Variants in SS18 observed in about 807,000 individuals in gnomAD.
SS18 encodes protein SSXT.
In SS18, 28 loss-of-function variants were observed where a neutral mutation model predicts 72.5. The observed-to-expected ratio is 0.39, with a 90% CI of 0.29 to 0.53. The LOEUF is 0.53. Among genes scored for constraint, SS18 ranks in the 20% least tolerant of loss-of-function variants. The pLI, the probability that SS18 is intolerant of heterozygous loss-of-function variation, is 0.76. For synonymous variants in SS18, 172 were observed against 164.2 expected (o/e 1.05, Z -0.37); for missense variants, 518 against 535.3 (o/e 0.97, Z 0.32).
chr18:26,090,356 G>C, intron 1 of SS18, 145 bp downstream of exon 1: 1 of 764,434 alleles, frequency 1.3e-6, no homozygotes, highest in Non-Finnish European at 2.2e-6. Context: ...GGCACAGCCA[G>C]CAGTCCGTGT....
At chr18:26,021,164 G>A (rs1385963077) in intron 10 of SS18, among the ~76,000 whole-genome samples, 1 of 152,108 alleles carries the variant, frequency 6.6e-6, no homozygotes, top group Non-Finnish European at 1.5e-5. Flanking sequence ...AAATTCCAAG[G>A]TGGCATTAAG....
At position 26,046,452 on chromosome 18, in the gene SS18, T is replaced by G. The variant is rs576297244; in HGVS notation, c.607+6172A>C. ...AAAGTTGTGAAATATTTCCAAGAAT[T>G]TCTTTAATGTGAAATATTTTGCCAG... On this transcript the variant is annotated intron_variant, in intron 5 of 10. Coordinates refer to ENST00000415083, the MANE Select transcript of SS18 (RefSeq NM_001007559.3). 2.0e-3 allele frequency among the ~76,000 whole-genome samples: 311 copies of G among 152,230 alleles called. 1 individual carries two copies. Among genetic ancestry groups the G allele is most frequent in the African/African-American group, 7.3e-3 (305 of 41,520 alleles).
intron 2 of SS18, chr18:26,082,481 T>C (rs60489153): frequency 0.043 from 42,787 of 984,710 alleles, 1,223 homozygotes; most frequent in East Asian, 0.15. Flanking sequence ...ACACTAATTT[T>C]TTTTGTTGTT....
intron 2 of SS18, among the ~76,000 whole-genome samples, chr18:26,078,600 T>A (rs1400754996): frequency 1.3e-5 from 2 of 152,144 alleles, no homozygotes; most frequent in Non-Finnish European, 2.9e-5. Context: ...AATGTGCTTA[T>A]CTCAGCTGGG....
In SS18 at chr18:26,037,825, G is replaced by GA. The variant is rs552327653; in HGVS notation, c.880+729dup. The stretch of plus-strand genomic sequence containing the variant: ...GTATTATAAAATTTTCAAGCATACA[G>GA]AAAAATTGATGAAACTGTACTGTGA... On this transcript the variant is annotated intron_variant, in intron 7 of 10. Coordinates refer to ENST00000415083, the MANE Select transcript of SS18 (RefSeq NM_001007559.3). Among the ~76,000 whole-genome samples the GA allele has an allele frequency of 4.3e-4, 66 of 152,110 alleles. 1 individual carries two copies. The South Asian group carries it at 0.013, about 29-fold the overall frequency.
chr18:26,054,646 T>C (rs1359422332), intron 4 of SS18, among the ~76,000 whole-genome samples: 3 of 151,886 alleles, frequency 2.0e-5, no homozygotes, highest in Non-Finnish European at 4.4e-5. Flanking sequence ...AGATACATAA[T>C]AGTATTTAAT....
intron 3 of SS18, 60 bp downstream of exon 3, chr18:26,078,016 G>A (rs1397494279): frequency 8.9e-6 from 11 of 1,239,304 alleles, no homozygotes; most frequent in African/African-American, 1.5e-5. Flanking sequence ...CAACAAAAAT[G>A]TGCCATACCA....
intron 10 of SS18, among the ~76,000 whole-genome samples, chr18:26,022,833 T>C (rs539659843): frequency 6.6e-6 from 1 of 152,224 alleles, no homozygotes; most frequent in South Asian, 2.1e-4. Context: ...CCAAAAGGAT[T>C]AGGGGAAACA....
intron 3 of SS18, among the ~76,000 whole-genome samples, chr18:26,064,278 G>C (rs993031459): frequency 6.6e-6 from 1 of 151,922 alleles, no homozygotes; most frequent in Non-Finnish European, 1.5e-5. Context: ...AAAAAGAAGG[G>C]CATCAGTTCC....
chr18:26,087,358 T>C (rs1310728090), intron 2 of SS18, 143 bp downstream of exon 2: 1 of 569,476 alleles, frequency 1.8e-6, no homozygotes, highest in Non-Finnish European at 3.1e-6. Flanking sequence ...TCTATGAATA[T>C]ACTAAAAAAC....
intron 7 of SS18, among the ~76,000 whole-genome samples, chr18:26,038,221 C>G (rs2053658938): frequency 6.6e-6 from 1 of 151,996 alleles, no homozygotes; most frequent in Non-Finnish European, 1.5e-5. Flanking sequence ...TGAATTATAT[C>G]TTAATGAAGC....
rs149043034 is a variant in SS18, at chr18:26,090,435, T to TC, written c.69+65dup. 2.8e-3 allele frequency: 4,190 copies of TC among 1,498,320 alleles called. 96 individuals are homozygous for TC. The African/African-American group carries it at 0.052, about 18-fold the overall frequency. The allele number at this position is 1,498,320 out of a possible 1,614,324, so 92.8% of individuals were successfully genotyped here. A position where few individuals can be genotyped will look rare whatever the true frequency, so the allele number is the denominator to read the frequency against. ...CCCGGTCGACTCCGGGCCCGGCCCT[T>TC]CCCCCCGCGTCTGTCTCTCCCAGAG... On this transcript the variant is annotated intron_variant, in intron 1 of 10. Transcript: ENST00000415083.
chr18:26,020,545 A>G (rs1345211819), intron 10 of SS18, among the ~76,000 whole-genome samples: 4 of 152,238 alleles, frequency 2.6e-5, no homozygotes, highest in Non-Finnish European at 4.4e-5. Flanking sequence ...ACTACTTGAA[A>G]GAGACCAGGT....
At chr18:26,052,957 TTAATCGATAGC>T in intron 4 of SS18, 112 bp from the exon 5 acceptor site, 1 of 774,290 alleles carries the variant, frequency 1.3e-6, no homozygotes, top group South Asian at 1.8e-5. Context: ...CAAACAATAA[TTAATCGATAGC>T]AAAGTAAATG....
chr18:26,027,105 T>C (rs1238100306), intron 10 of SS18, among the ~76,000 whole-genome samples: 5 of 152,198 alleles, frequency 3.3e-5, no homozygotes, highest in African/African-American at 1.2e-4. Flanking sequence ...CTAAAATTTA[T>C]ATGGAATCCA....
intron 7 of SS18, among the ~76,000 whole-genome samples, chr18:26,037,629 A>G (rs1441724712): frequency 1.3e-5 from 2 of 152,128 alleles, no homozygotes; most frequent in Non-Finnish European, 2.9e-5. Context: ...GCTAGCTTAC[A>G]TGGGCTGCTA....
rs933931482 is a variant in SS18 at position 26,057,746 on chromosome 18, A to T, written c.232-4T>A. 5 of 1,596,248 alleles carry T rather than the reference A, an allele frequency of 3.1e-6. No individual in the cohort carries two copies. The highest frequency in any genetic ancestry group is 3.4e-6 in the Non-Finnish European group (4 of 1,168,786). On this transcript the variant is annotated splice_polypyrimidine_tract_variant and splice_region_variant and intron_variant, in intron 3 of 10. Coordinates refer to ENST00000415083, the MANE Select transcript of SS18 (RefSeq NM_001007559.3). ...TAGGCATATTCTGTGTGGGTGGCTG[A>T]AAGAAGACAGTTTAGTAAAACAAGA...
Position 26,090,562 on chromosome 18 carries a change from A to G in SS18, c.8T>C (p.Val3Ala). 1 of 1,585,014 alleles carries G rather than the reference A, an allele frequency of 6.3e-7. No individual in the cohort carries two copies. The highest frequency in any genetic ancestry group is 8.6e-7 in the Non-Finnish European group (1 of 1,166,392). The part of the protein sequence containing the change: MS[V>A]AFAAPRQRGK... ...TCGCTGCCTCGGGGCCGCGAAAGCCACAGACATGTTGCCGCCGTCACCACT... is the reference window on the plus strand; with the variant it reads ...TCGCTGCCTCGGGGCCGCGAAAGCCGCAGACATGTTGCCGCCGTCACCACT... Residue 3 changes from valine to alanine, a missense_variant, in exon 1 of 11, where the codon GTG (valine) becomes GCG (alanine). Transcript: ENST00000415083.
chr18:26,090,407 C>A, intron 1 of SS18, 94 bp downstream of exon 1: 2 of 1,296,956 alleles, frequency 1.5e-6, no homozygotes, highest in Admixed American at 2.0e-5. Context: ...GCCTCCGCCT[C>A]GGCCCGGTCG....
Sources: gnomAD v4.1 joint callset for allele counts (sites outside exome capture counted in the v4.1 genomes callset) on GRCh38, gnomAD v4.1.1 for gene constraint, MANE v1.5 for transcripts, NCBI Gene and HGNC (gene_info 2026-07-23, HGNC 2026-07-21) for gene names.